The following SCAI variants were observed in gnomAD, a reference collection of about 807,000 sequenced individuals.
SCAI encodes the protein suppressor of cancer cell invasion, also known as protein SCAI.
In SCAI, 24 loss-of-function variants were observed where a neutral mutation model predicts 92.2. The observed-to-expected ratio is 0.26, with a 90% CI of 0.19 to 0.37. The LOEUF (loss-of-function observed/expected upper bound fraction) is 0.37. Ranked by LOEUF, SCAI falls within the 10% of genes least tolerant of loss-of-function variation. The pLI is 1.00. For missense variants in SCAI, 450 were observed against 736.2 expected (o/e 0.61, Z 4.50); for synonymous variants, 261 against 258.6 (o/e 1.01, Z -0.09).
rs558169849 is a variant in SCAI at position 124,974,569 on chromosome 9, C to T, written c.1399+1545G>A. On this transcript the variant is annotated intron_variant, in intron 15 of 17. Transcript: ENST00000336505. ...TTTTGCACCCACATGGAAGGCTCTCCCCTTTTGCAGAGGTGAGTAGCAATT... is the reference window on the plus strand; with the variant it reads ...TTTTGCACCCACATGGAAGGCTCTCTCCTTTTGCAGAGGTGAGTAGCAATT... 1.9e-4 allele frequency among the ~76,000 whole-genome samples: 29 copies of T among 152,244 alleles called. No individual in the cohort carries two copies. The South Asian group carries it at 5.8e-3, about 30-fold the overall frequency.
chr9:125,122,362 G>A (rs960821545), intron 2 of SCAI, among the ~76,000 whole-genome samples: 5 of 151,974 alleles, frequency 3.3e-5, no homozygotes, highest in Non-Finnish European at 5.9e-5. Context: ...AGGTCGAGGC[G>A]GGTGGACCAC....
Position 125,029,636 on chromosome 9 carries a change from T to G in SCAI, c.326+8A>C. 6.3e-7 allele frequency: 1 copy of G among 1,590,710 alleles called. No homozygotes were observed. The highest frequency in any genetic ancestry group is 8.6e-7 in the Non-Finnish European group (1 of 1,160,222). On this transcript the variant is annotated splice_region_variant and intron_variant, in intron 4 of 17. Transcript: ENST00000336505. ...CTTCACTCTCCTTTAACTATAAAAT[T>G]CATTTACCGATGCTGCTGCTGGAAC...
rs926265853 is a variant in SCAI, at chr9:124,945,650, T to C, written c.*7157A>G. The C allele has an allele frequency of 3.3e-5, 5 of 152,190 alleles. No individual in the cohort carries two copies. The highest frequency in any genetic ancestry group is 1.2e-4 in the African/African-American group (5 of 41,452). 9.4% of individuals were successfully genotyped at this position (152,190 alleles called of 1,614,324 possible). A position where few individuals can be genotyped will look rare whatever the true frequency, so the allele number is the denominator to read the frequency against. ...TGCTTCAATCAGTTATTAAATTAGT[T>C]ATACTTAATACAGTTCTCTTTATCC... On this transcript the variant is annotated 3_prime_UTR_variant, in exon 18 of 18. Transcript: ENST00000336505.
chr9:125,015,213 A>G (rs1832729947), intron 9 of SCAI, among the ~76,000 whole-genome samples: 1 of 152,224 alleles, frequency 6.6e-6, no homozygotes, highest in African/African-American at 2.4e-5. Context: ...GCTTCTGCAC[A>G]GCAAAAGAAA....
intron 14 of SCAI, among the ~76,000 whole-genome samples, chr9:124,990,421 G>A (rs113849679): frequency 1.6e-4 from 25 of 151,804 alleles, no homozygotes; most frequent in African/African-American, 4.8e-4. Flanking sequence ...CCCAGGAGGC[G>A]GAAGTTGCAG....
At chr9:125,128,841 T>C (rs1183227904) in intron 2 of SCAI, among the ~76,000 whole-genome samples, 2 of 151,810 alleles carry the variant, frequency 1.3e-5, no homozygotes, top group Non-Finnish European at 2.9e-5. Flanking sequence ...GGCAGGTCTA[T>C]CACCTGAGGT....
rs1832324464 is a variant in SCAI at position 125,000,043 on chromosome 9, C to CTGAT, written c.1145-57_1145-54dup. On this transcript the variant is annotated intron_variant, in intron 12 of 17. Coordinates refer to ENST00000336505, the MANE Select transcript of SCAI (RefSeq NM_001144877.3). ...ACTTCAGTTGAAGACTAACACTGACCTGATGTTCAAATACAAAGGTACTGT... is the reference window on the plus strand; with the variant it reads ...ACTTCAGTTGAAGACTAACACTGACCTGATTGATGTTCAAATACAAAGGTACTGT... 2.0e-5 allele frequency: 15 copies of CTGAT among 752,510 alleles called. No individual in the cohort carries two copies. In the South Asian group the frequency reaches 2.6e-4, roughly 13 times the overall value. The allele number at this position is 752,510 out of a possible 1,614,324, so 46.6% of individuals were successfully genotyped here. A position where few individuals can be genotyped will look rare whatever the true frequency, so the allele number is the denominator to read the frequency against.
chr9:125,108,405 A>G (rs1342908856), intron 2 of SCAI, among the ~76,000 whole-genome samples: 2 of 145,668 alleles, frequency 1.4e-5, no homozygotes, highest in African/African-American at 5.2e-5. Context: ...CTTCCCAGCC[A>G]CCATCCCATC....
chr9:125,105,825 G>A lies in SCAI; in HGVS notation c.98+36808C>T, dbSNP rs145624426. On this transcript the variant is annotated intron_variant, in intron 2 of 17. Coordinates refer to ENST00000336505, the MANE Select transcript of SCAI (RefSeq NM_001144877.3). Reference sequence around the variant, plus strand: ...AAGAAAAAGATATAGTTGGCCGGGCGCGGTGGCTCACGCCTGTAATCCCAG... The same window carrying A: ...AAGAAAAAGATATAGTTGGCCGGGCACGGTGGCTCACGCCTGTAATCCCAG... 5.6e-4 allele frequency among the ~76,000 whole-genome samples: 85 copies of A among 151,896 alleles called. 1 individual carries two copies. In the East Asian group the frequency reaches 0.014, roughly 25 times the overall value.
chr9:124,959,632 C>T (rs1277104519), intron 17 of SCAI, among the ~76,000 whole-genome samples: 2 of 151,152 alleles, frequency 1.3e-5, no homozygotes, highest in Admixed American at 1.3e-4. Flanking sequence ...TGTGCTGCAC[C>T]CATTAACTCG....
intron 5 of SCAI, 59 bp from the exon 6 acceptor site, chr9:125,026,969 A>ACAAGTATT: frequency 2.0e-6 from 2 of 1,018,410 alleles, no homozygotes; most frequent in Non-Finnish European, 3.0e-6. Context: ...ACCATGGTAA[A>ACAAGTATT]TACTTGTTCT....
At chr9:125,099,946 A>G (rs1257583453) in intron 2 of SCAI, among the ~76,000 whole-genome samples, 1 of 152,220 alleles carries the variant, frequency 6.6e-6, no homozygotes, top group Non-Finnish European at 1.5e-5. Context: ...ATATCAATGG[A>G]CATCCGGGTT....
At chr9:124,996,648 G>C (rs1271942464) in intron 13 of SCAI, among the ~76,000 whole-genome samples, 2 of 151,168 alleles carry the variant, frequency 1.3e-5, no homozygotes, top group Non-Finnish European at 2.9e-5. Context: ...TATTTATTTT[G>C]AGATGGAGTC....
chr9:124,947,583 T>A lies in SCAI; in HGVS notation c.*5224A>T, dbSNP rs973767920. ...TTAAATAAATTCAGCCCACAATGGG[T>A]ATGGGTACATAATATACACATACTG... On this transcript the variant is annotated 3_prime_UTR_variant, in exon 18 of 18. Coordinates refer to ENST00000336505, the MANE Select transcript of SCAI (RefSeq NM_001144877.3). 5.3e-5 allele frequency: 8 copies of A among 152,124 alleles called. No individual in the cohort carries two copies. Among genetic ancestry groups the A allele is most frequent in the Non-Finnish European group, 1.0e-4 (7 of 68,018 alleles). 9.4% of individuals were successfully genotyped at this position (152,124 alleles called of 1,614,324 possible).
intron 9 of SCAI, among the ~76,000 whole-genome samples, chr9:125,009,959 C>A (rs1348343519): frequency 1.3e-5 from 2 of 152,086 alleles, no homozygotes; most frequent in African/African-American, 2.4e-5. Context: ...CTTTGGGAGG[C>A]CAAGGTGCGC....
In SCAI at chr9:125,020,716, C is replaced by T; in HGVS notation, c.566G>A (p.Cys189Tyr). 1 of 1,534,356 alleles carries T rather than the reference C, an allele frequency of 6.5e-7. No individual in the cohort carries two copies. The highest frequency in any genetic ancestry group is 8.9e-7 in the Non-Finnish European group (1 of 1,124,542). ...AACATCCATTTTGTTGAGAAGAAGA[C>T]AAACTACTATAAATCTTGCATAATA... is the stretch of plus-strand genomic sequence containing the variant. ...LRYYARFIVV[C>Y]LLLNKMDVVK... Residue 189 changes from cysteine (C) to tyrosine (Y), a missense_variant, in exon 7 of 18, where the codon TGT becomes TAT. This residue lies in a region of SCAI where 360 missense variants were observed against 601.8 expected (regional missense o/e 0.60). Coordinates refer to ENST00000336505, the MANE Select transcript of SCAI (RefSeq NM_001144877.3).
intron 2 of SCAI, among the ~76,000 whole-genome samples, chr9:125,077,063 A>C (rs1373884337): frequency 6.6e-6 from 1 of 152,174 alleles, no homozygotes; most frequent in Non-Finnish European, 1.5e-5. Context: ...GTGTGCCTGT[A>C]GTCTCACCTA....
intron 2 of SCAI, among the ~76,000 whole-genome samples, chr9:125,063,586 T>C (rs1423954572): frequency 6.6e-6 from 1 of 151,796 alleles, no homozygotes; most frequent in East Asian, 1.9e-4. Flanking sequence ...AGGTTGTAAG[T>C]CAAAGTATGG....
intron 2 of SCAI, among the ~76,000 whole-genome samples, chr9:125,128,338 G>A (rs749721456): frequency 6.6e-6 from 1 of 151,600 alleles, no homozygotes; most frequent in Non-Finnish European, 1.5e-5. Flanking sequence ...CGGGTAATTT[G>A]GCCGGGTGCG....
Sources: allele counts gnomAD v4.1 joint callset (sites outside exome capture counted in the v4.1 genomes callset), GRCh38; gene constraint gnomAD v4.1.1; regional missense constraint gnomAD v4.1.1; transcripts MANE v1.5; gene names NCBI Gene and HGNC (gene_info 2026-07-23, HGNC 2026-07-21).